The following OR52K1 variants were observed in gnomAD, a reference collection of about 807,000 sequenced individuals.
The protein encoded by OR52K1 is olfactory receptor family 52 subfamily K member 1, also known as olfactory receptor 52K1.
Under a neutral mutation model 8.7 loss-of-function variants are expected in OR52K1, and 10 were observed. The observed-to-expected ratio is 1.15, with a 90% CI of 0.71 to 1.95. OR52K1 has a LOEUF of 1.95. Ranked by LOEUF, OR52K1 falls within the 30% of genes most tolerant of loss-of-function variation. The probability of loss-of-function intolerance (pLI) is 0.00; values close to 1 mark genes in which losing one functional copy is unlikely to be tolerated. For synonymous variants in OR52K1, 203 were observed against 148.5 expected (o/e 1.37, Z -2.67); for missense variants, 431 against 397.2 (o/e 1.08, Z -0.72).
In OR52K1 at chr11:4,489,909, G is replaced by A. The variant is rs985850613; in HGVS notation, c.*64G>A. The A allele has an allele frequency of 3.4e-6, 4 of 1,192,638 alleles. No individual in the cohort carries two copies. Among genetic ancestry groups the A allele is most frequent in the Admixed American group, 4.4e-5 (2 of 45,008 alleles). 73.9% of individuals were successfully genotyped at this position (1,192,638 alleles called of 1,614,324 possible). ...TGAGAATGCTGGATTGGGGTTGAGG[G>A]GAAAAATCTAAATAGGAAAATTGCA... On this transcript the variant is annotated 3_prime_UTR_variant, in exon 2 of 2. Coordinates refer to ENST00000641528, the MANE Select transcript of OR52K1 (RefSeq NM_001005171.3).
chr11:4,488,056 GGA>G (rs950909935), intron 1 of OR52K1, among the ~76,000 whole-genome samples: 19 of 152,178 alleles, frequency 1.2e-4, no homozygotes, highest in Non-Finnish European at 1.5e-5. Context: ...ACAGGTGGAG[GGA>G]GAGTCACATG....
intron 1 of OR52K1, among the ~76,000 whole-genome samples, chr11:4,485,638 G>C (rs895328456): frequency 6.6e-6 from 1 of 152,104 alleles, no homozygotes; most frequent in African/African-American, 2.4e-5. Context: ...CCTTGATTCT[G>C]AGCCAATGTT....
At position 4,492,374 on chromosome 11, in the gene OR52K1, A is replaced by G. The variant is rs1564833556; in HGVS notation, c.*2529A>G. 1 of 152,192 alleles carries G rather than the reference A, an allele frequency of 6.6e-6. No homozygotes were observed. The highest frequency in any genetic ancestry group is 2.4e-5 in the African/African-American group (1 of 41,438). The allele number at this position is 152,192 out of a possible 1,614,324, so 9.4% of individuals were successfully genotyped here. A position where few individuals can be genotyped will look rare whatever the true frequency, so the allele number is the denominator to read the frequency against. On this transcript the variant is annotated 3_prime_UTR_variant, in exon 2 of 2. Coordinates refer to ENST00000641528, the MANE Select transcript of OR52K1 (RefSeq NM_001005171.3). ...ATCACAGCCTAGACTCATGATGAAG[A>G]TCCATGGAGCAGATGTGAATCTGAC...
At chr11:4,484,504 T>C (rs1035576590) in intron 1 of OR52K1, among the ~76,000 whole-genome samples, 1 of 152,086 alleles carries the variant, frequency 6.6e-6, no homozygotes, top group Non-Finnish European at 1.5e-5. Flanking sequence ...TTCTGAGATA[T>C]GGGCAGCACA....
At chr11:4,486,150 G>A (rs1270537520) in intron 1 of OR52K1, among the ~76,000 whole-genome samples, 1 of 152,146 alleles carries the variant, frequency 6.6e-6, no homozygotes, top group Non-Finnish European at 1.5e-5. Context: ...ACCTCCCACA[G>A]TTTCTCTGCT....
Position 4,490,179 on chromosome 11 carries a change from A to G in OR52K1, c.*334A>G, listed in dbSNP as rs1306172575. The G allele has an allele frequency of 8.3e-6, 2 of 240,920 alleles. No homozygotes were observed. Among genetic ancestry groups the G allele is most frequent in the African/African-American group, 2.3e-5 (1 of 43,992 alleles). The allele number at this position is 240,920 out of a possible 1,614,324, so 14.9% of individuals were successfully genotyped here. A position where few individuals can be genotyped will look rare whatever the true frequency, so the allele number is the denominator to read the frequency against. On this transcript the variant is annotated 3_prime_UTR_variant, in exon 2 of 2. Transcript: ENST00000641528. ...ATTGGCCCAAACAGCTGAGTCACCC[A>G]AACAGGTGACTTCTTTATCCAGGTA...
chr11:4,484,220 A>T (rs1846302721), intron 1 of OR52K1, among the ~76,000 whole-genome samples: 1 of 152,280 alleles, frequency 6.6e-6, no homozygotes, highest in East Asian at 1.9e-4. Flanking sequence ...ATGGTGGGTA[A>T]TTGTTGAAGG....
At position 4,489,396 on chromosome 11, in the gene OR52K1, A is replaced by C; in HGVS notation, c.496A>C (p.Arg166=). ...AATGACTCCACTCCCCTTCCTGCTC[A>C]GACGCTTCCACTACTGCCGAGGCCC... The part of the protein sequence containing the change: ...TLMTPLPFLL[R]RFHYCRGPVI... The change falls in exon 2 of 2, where the codon AGA becomes CGA. Residue 166 remains arginine, a synonymous_variant. Coordinates refer to ENST00000641528, the MANE Select transcript of OR52K1 (RefSeq NM_001005171.3). 2 of 1,614,174 alleles carry C rather than the reference A, an allele frequency of 1.2e-6. No homozygotes were observed. Among genetic ancestry groups the C allele is most frequent in the Non-Finnish European group, 1.7e-6 (2 of 1,180,034 alleles).
Position 4,490,721 on chromosome 11 carries a change from T to C in OR52K1, c.*876T>C, listed in dbSNP as rs1846367447. ...TAATGGATCACCTATATGATGGTGA[T>C]TGCATAACATTATAGTACCGTATAT... is the stretch of plus-strand genomic sequence containing the variant. On this transcript the variant is annotated 3_prime_UTR_variant, in exon 2 of 2. Transcript: ENST00000641528. The C allele has an allele frequency of 6.6e-6, 1 of 152,222 alleles. No homozygotes were observed. Among genetic ancestry groups the C allele is most frequent in the Non-Finnish European group, 1.5e-5 (1 of 68,042 alleles). The allele number at this position is 152,222 out of a possible 1,614,324, so 9.4% of individuals were successfully genotyped here. A position where few individuals can be genotyped will look rare whatever the true frequency, so the allele number is the denominator to read the frequency against.
chr11:4,489,333 A>C lies in OR52K1; in HGVS notation c.433A>C (p.Lys145Gln). Residue 145 changes from lysine (K) to glutamine (Q), a missense_variant, in exon 2 of 2, where the codon AAG becomes CAG. Physicochemically the swap from Lys to Gln is moderately conservative, Grantham distance 53. Coordinates refer to ENST00000641528, the MANE Select transcript of OR52K1 (RefSeq NM_001005171.3). Reference protein sequence around the residue: ...TTVLTGSLITKIGMAAVARAV... With the variant: ...TTVLTGSLITQIGMAAVARAV... ...GGTCCTGACTGGGTCCCTCATCACC[A>C]AGATTGGCATGGCTGCTGTGGCCCG... The C allele has an allele frequency of 6.2e-7, 1 of 1,614,070 alleles. No individual in the cohort carries two copies. The highest frequency in any genetic ancestry group is 8.5e-7 in the Non-Finnish European group (1 of 1,180,028).
rs1015280294 is a variant in OR52K1, at chr11:4,492,713, T to C, written c.*2868T>C. On this transcript the variant is annotated 3_prime_UTR_variant, in exon 2 of 2. Coordinates refer to ENST00000641528, the MANE Select transcript of OR52K1 (RefSeq NM_001005171.3). ...TCAGTTCTACAAAAAGAAGCTCCCA[T>C]ACATACTTTTACATGATCTACTTAT... The C allele has an allele frequency of 6.6e-6, 1 of 152,164 alleles. No individual in the cohort carries two copies. Among genetic ancestry groups the C allele is most frequent in the Non-Finnish European group, 1.5e-5 (1 of 68,034 alleles). 9.4% of individuals were successfully genotyped at this position (152,164 alleles called of 1,614,324 possible). A position where few individuals can be genotyped will look rare whatever the true frequency, so the allele number is the denominator to read the frequency against.
intron 1 of OR52K1, among the ~76,000 whole-genome samples, chr11:4,486,779 G>C (rs1846324175): frequency 6.6e-6 from 1 of 152,136 alleles, no homozygotes; most frequent in Non-Finnish European, 1.5e-5. Context: ...CAGTAAAAAT[G>C]TTTAAATAGT....
chr11:4,488,389 G>A (rs1410099269), intron 1 of OR52K1, among the ~76,000 whole-genome samples, 184 bp from the exon 2 acceptor site: 2 of 152,180 alleles, frequency 1.3e-5, no homozygotes, highest in African/African-American at 2.4e-5. Flanking sequence ...AAAATATGCA[G>A]ATTGTGTGAT....
At position 4,490,568 on chromosome 11, in the gene OR52K1, G is replaced by A. The variant is rs1846366213; in HGVS notation, c.*723G>A. The A allele has an allele frequency of 6.6e-6, 1 of 152,152 alleles. No individual in the cohort carries two copies. The highest frequency in any genetic ancestry group is 6.5e-5 in the Admixed American group (1 of 15,272). The allele number at this position is 152,152 out of a possible 1,614,324, so 9.4% of individuals were successfully genotyped here. On this transcript the variant is annotated 3_prime_UTR_variant, in exon 2 of 2. Coordinates refer to ENST00000641528, the MANE Select transcript of OR52K1 (RefSeq NM_001005171.3). ...ATATTTATTAAATGAACGGATAGAA[G>A]AGCTGAATACTATCTTTGAACTATG... is the stretch of plus-strand genomic sequence containing the variant.
intron 1 of OR52K1, among the ~76,000 whole-genome samples, chr11:4,487,833 T>C (rs950219578): frequency 2.0e-5 from 3 of 152,000 alleles, no homozygotes; most frequent in African/African-American, 7.2e-5. Context: ...TTTGTATAAA[T>C]ATATGTTTTA....
At position 4,492,624 on chromosome 11, in the gene OR52K1, C is replaced by G. The variant is rs1188640817; in HGVS notation, c.*2779C>G. The G allele has an allele frequency of 6.6e-6, 1 of 152,142 alleles. No individual in the cohort carries two copies. Among genetic ancestry groups the G allele is most frequent in the East Asian group, 1.9e-4 (1 of 5,198 alleles). The allele number at this position is 152,142 out of a possible 1,614,324, so 9.4% of individuals were successfully genotyped here. A position where few individuals can be genotyped will look rare whatever the true frequency, so the allele number is the denominator to read the frequency against. Reference sequence around the variant, plus strand: ...GAAATACAGTCTTCTTACAGCATATCATAAAATTATTTCACTTATCTCTGC... The same window carrying G: ...GAAATACAGTCTTCTTACAGCATATGATAAAATTATTTCACTTATCTCTGC... On this transcript the variant is annotated 3_prime_UTR_variant, in exon 2 of 2. Transcript: ENST00000641528.
rs543183239 is a variant in OR52K1 at position 4,485,652 on chromosome 11, C to T, written c.-329+2476C>T. Among the ~76,000 whole-genome samples the T allele has an allele frequency of 2.4e-4, 37 of 152,336 alleles. 1 individual carries two copies. The highest frequency in any genetic ancestry group is 8.2e-4 in the African/African-American group (34 of 41,578). ...ACCTTGATTCTGAGCCAATGTTCTC[C>T]CTTCCTTGGATTCCTGCAATAGTCT... is the stretch of plus-strand genomic sequence containing the variant. On this transcript the variant is annotated intron_variant, in intron 1 of 1. Coordinates refer to ENST00000641528, the MANE Select transcript of OR52K1 (RefSeq NM_001005171.3).
chr11:4,484,539 G>A (rs1323856852), intron 1 of OR52K1, among the ~76,000 whole-genome samples: 1 of 152,150 alleles, frequency 6.6e-6, no homozygotes, highest in Non-Finnish European at 1.5e-5. Flanking sequence ...CATGATTTCT[G>A]CCTCAGGCAT....
At chr11:4,488,438 A>T (rs1185538078) in intron 1 of OR52K1, 135 bp from the exon 2 acceptor site, 1 of 163,210 alleles carries the variant, frequency 6.1e-6, no homozygotes, top group African/African-American at 2.4e-5. Context: ...TGACTTATAC[A>T]TGGACTCAAC....
Sources: allele counts gnomAD v4.1 joint callset (sites outside exome capture counted in the v4.1 genomes callset), GRCh38; gene constraint gnomAD v4.1.1; transcripts MANE v1.5; gene names NCBI Gene and HGNC (gene_info 2026-07-23, HGNC 2026-07-21).